Variants in TBC1D22A observed in about 807,000 individuals in gnomAD.
The protein encoded by TBC1D22A is TBC1 domain family member 22A.
A neutral mutation model predicts 60.2 loss-of-function variants in TBC1D22A; 38 were observed. The ratio of observed to expected loss-of-function variants is 0.63; its 90% CI spans 0.49 to 0.83. The LOEUF (loss-of-function observed/expected upper bound fraction) is 0.83. Among genes scored for constraint, TBC1D22A ranks in the 40% least tolerant of loss-of-function variants. The probability of loss-of-function intolerance (pLI) is 0.00; values close to 1 mark genes in which losing one functional copy is unlikely to be tolerated. For synonymous variants in TBC1D22A, 302 were observed against 281.7 expected (o/e 1.07, Z -0.72); for missense variants, 628 against 701.0 (o/e 0.90, Z 1.18).
intron 11 of TBC1D22A, among the ~76,000 whole-genome samples, chr22:47,098,287 C>G (rs955815049): frequency 1.3e-5 from 2 of 152,184 alleles, no homozygotes; most frequent in African/African-American, 4.8e-5. Flanking sequence ...AGAGTCCTAC[C>G]CTTTTCCCAG....
At chr22:47,016,598 G>GTTCCA (rs1428771411) in intron 10 of TBC1D22A, among the ~76,000 whole-genome samples, 1 of 152,164 alleles carries the variant, frequency 6.6e-6, no homozygotes, top group Non-Finnish European at 1.5e-5. Flanking sequence ...TCAGTGGGAG[G>GTTCCA]TTCCAGAACT....
chr22:46,762,842 C>G lies in TBC1D22A; in HGVS notation c.56C>G (p.Pro19Arg). ...QFWKRSNSKLPGSIQHVYGAQ... is the reference protein window; with the variant it reads ...QFWKRSNSKLRGSIQHVYGAQ... ...TGGAAGCGCAGCAACAGCAAGCTCCCGGGCAGGTGGGTGTGCCGCGGAGGG... is the reference window on the plus strand; with the variant it reads ...TGGAAGCGCAGCAACAGCAAGCTCCGGGGCAGGTGGGTGTGCCGCGGAGGG... The change falls in exon 1 of 13, where the codon CCG (proline) becomes CGG (arginine). Residue 19 changes from proline to arginine, a missense_variant. By Grantham distance (103) the Pro-to-Arg change is moderately radical. Transcript: ENST00000337137. 1.4e-6 allele frequency: 2 copies of G among 1,466,166 alleles called. No individual in the cohort carries two copies. The highest frequency in any genetic ancestry group is 1.8e-6 in the Non-Finnish European group (2 of 1,115,412). The allele number at this position is 1,466,166 out of a possible 1,614,324, so 90.8% of individuals were successfully genotyped here. A position where few individuals can be genotyped will look rare whatever the true frequency, so the allele number is the denominator to read the frequency against.
intron 11 of TBC1D22A, among the ~76,000 whole-genome samples, chr22:47,049,335 C>T (rs1214219012): frequency 2.0e-5 from 3 of 152,206 alleles, no homozygotes; most frequent in African/African-American, 7.2e-5. Flanking sequence ...AAAGAAGAAG[C>T]GGGCATGGGC....
chr22:46,893,459 T>C (rs1422482760), intron 6 of TBC1D22A, among the ~76,000 whole-genome samples: 1 of 152,212 alleles, frequency 6.6e-6, no homozygotes, highest in East Asian at 1.9e-4. Context: ...GGGTTGGGTC[T>C]GGTGGATGCT....
At chr22:47,158,509 C>T (rs997609603) in intron 12 of TBC1D22A, among the ~76,000 whole-genome samples, 1 of 152,148 alleles carries the variant, frequency 6.6e-6, no homozygotes, top group African/African-American at 2.4e-5. Context: ...TACCCAGCCC[C>T]GACAGGTTCT....
At chr22:46,857,829 A>G (rs1467185644) in intron 4 of TBC1D22A, among the ~76,000 whole-genome samples, 1 of 152,188 alleles carries the variant, frequency 6.6e-6, no homozygotes, top group Admixed American at 6.5e-5. Context: ...TTTTTTGGCC[A>G]AATAAGATTC....
chr22:46,863,789 G>T (rs9626911), intron 4 of TBC1D22A, among the ~76,000 whole-genome samples: 6,928 of 152,184 alleles, frequency 0.046, 506 homozygotes, highest in African/African-American at 0.16. Context: ...CTCAGCCCGG[G>T]TTGCACCTGC....
chr22:46,956,159 A>G (rs2073177208), intron 8 of TBC1D22A, among the ~76,000 whole-genome samples: 3 of 152,292 alleles, frequency 2.0e-5, no homozygotes, highest in Admixed American at 1.3e-4. Context: ...CTTCCCCAGA[A>G]TTCATCTGTT....
intron 8 of TBC1D22A, among the ~76,000 whole-genome samples, chr22:46,933,267 G>A (rs1284106350): frequency 1.3e-5 from 2 of 152,174 alleles, no homozygotes; most frequent in African/African-American, 4.8e-5. Context: ...CAACCACAGC[G>A]TGTGCTCTGA....
At chr22:47,127,320 C>T (rs190826829) in intron 12 of TBC1D22A, among the ~76,000 whole-genome samples, 6 of 150,496 alleles carry the variant, frequency 4.0e-5, no homozygotes, top group Admixed American at 6.6e-5. Flanking sequence ...CTCCGCCTCC[C>T]GGGTTCAAGC....
intron 8 of TBC1D22A, among the ~76,000 whole-genome samples, chr22:46,922,187 A>G (rs2070795754): frequency 6.6e-6 from 1 of 152,162 alleles, no homozygotes; most frequent in Non-Finnish European, 1.5e-5. Flanking sequence ...CAAAGATCAG[A>G]TGGCTGTAAA....
chr22:47,039,098 C>T (rs2062752417), intron 11 of TBC1D22A, among the ~76,000 whole-genome samples: 1 of 152,118 alleles, frequency 6.6e-6, no homozygotes, highest in Admixed American at 6.6e-5. Flanking sequence ...TTTTGAGGAG[C>T]CAGAAAATGG....
intron 12 of TBC1D22A, among the ~76,000 whole-genome samples, chr22:47,131,724 C>G (rs908387746): frequency 6.6e-6 from 1 of 152,230 alleles, no homozygotes; most frequent in African/African-American, 2.4e-5. Flanking sequence ...TGACAGGCCC[C>G]TTCTCAGCAG....
intron 8 of TBC1D22A, among the ~76,000 whole-genome samples, chr22:46,964,813 A>G (rs2073717870): frequency 6.6e-6 from 1 of 152,180 alleles, no homozygotes; most frequent in Non-Finnish European, 1.5e-5. Flanking sequence ...CGAGTTGCCA[A>G]CCCGATTCCT....
intron 10 of TBC1D22A, among the ~76,000 whole-genome samples, chr22:47,001,533 C>G (rs2061412459): frequency 6.6e-6 from 1 of 150,626 alleles, no homozygotes; most frequent in Non-Finnish European, 1.5e-5. Context: ...TTCTGTCAAT[C>G]ACCCTGTGGT....
At chr22:47,011,208 T>C (rs2061742552) in intron 10 of TBC1D22A, among the ~76,000 whole-genome samples, 1 of 152,146 alleles carries the variant, frequency 6.6e-6, no homozygotes, top group Non-Finnish European at 1.5e-5. Context: ...CCTCCCTACC[T>C]ACTTGGGCAG....
chr22:46,879,147 G>A (rs1344750088), intron 5 of TBC1D22A, among the ~76,000 whole-genome samples: 1 of 147,072 alleles, frequency 6.8e-6, no homozygotes, highest in Non-Finnish European at 1.5e-5. Context: ...AGTATTAGTA[G>A]CGCTGTTAGG....
intron 11 of TBC1D22A, among the ~76,000 whole-genome samples, chr22:47,104,487 GAGT>G (rs2065546975): frequency 1.4e-5 from 2 of 146,040 alleles, no homozygotes; most frequent in Admixed American, 6.9e-5. Context: ...CTGAGGTCAG[GAGT>G]TTAAGACCAG....
At chr22:46,825,943 C>T (rs923981622) in intron 4 of TBC1D22A, among the ~76,000 whole-genome samples, 3 of 148,140 alleles carry the variant, frequency 2.0e-5, no homozygotes, top group Admixed American at 6.8e-5. Context: ...AGTACAGTGG[C>T]GCCATCTCGG....
Sources: gnomAD v4.1 joint callset for allele counts (sites outside exome capture counted in the v4.1 genomes callset) on GRCh38, gnomAD v4.1.1 for gene constraint, MANE v1.5 for transcripts, NCBI Gene and HGNC (gene_info 2026-07-23, HGNC 2026-07-21) for gene names.